PFKFB3: variants seen among roughly 807,000 people sequenced by gnomAD.
The protein encoded by PFKFB3 is 6-phosphofructo-2-kinase/fructose-2,6-biphosphatase 3.
PFKFB3 carries 33 observed loss-of-function variants against 68.0 expected under a neutral mutation model. The ratio of observed to expected loss-of-function variants is 0.49; its 90% confidence interval spans 0.37 to 0.65. The LOEUF (loss-of-function observed/expected upper bound fraction) is 0.65. Ranked by LOEUF, PFKFB3 falls within the 30% of genes least tolerant of loss-of-function variation. The pLI, the probability that PFKFB3 is intolerant of heterozygous loss-of-function variation, is 0.00. For synonymous variants in PFKFB3, 315 were observed against 288.2 expected (o/e 1.09, Z -0.94); for missense variants, 586 against 712.2 (o/e 0.82, Z 2.02).
At chr10:6,298,438 T>C in the PFKFB3 span, among the ~76,000 whole-genome samples, 1 of 151,716 alleles carries the variant, frequency 6.6e-6, no homozygotes, top group African/African-American at 2.4e-5. Context: ...AGTGGTGTGA[T>C]CATAGCTCAT....
chr10:6,245,455 C>T lies in PFKFB3; in HGVS notation c.1516-8723C>T, dbSNP rs143451719. 2.8e-3 allele frequency among the ~76,000 whole-genome samples: 419 copies of T among 148,560 alleles called. 2 individuals are homozygous for T. The highest frequency in any genetic ancestry group is 9.9e-3 in the African/African-American group (398 of 40,246). On this transcript the variant is annotated intron_variant, in intron 14 of 14. Coordinates refer to the PFKFB3 transcript ENST00000640683. ...TTTTTGAAACAGGGTCTGGCTCTGT[C>T]GCCCAGGCTGGAGTGCAGTGGTGCG...
chr10:6,159,854 G>C (rs556185608), intron 1 of PFKFB3, among the ~76,000 whole-genome samples: 41 of 151,860 alleles, frequency 2.7e-4, no homozygotes, highest in African/African-American at 8.9e-4. Flanking sequence ...GACCTGCCAG[G>C]CTCAAGCAAT....
rs1298176305 is a variant in PFKFB3, at chr10:6,169,740, C to G, written c.16+24727C>G. Among the ~76,000 whole-genome samples the G allele has an allele frequency of 2.0e-5, 3 of 152,278 alleles. No individual in the cohort carries two copies. The East Asian group carries it at 5.8e-4, about 29-fold the overall frequency. The stretch of plus-strand genomic sequence containing the variant: ...TGGAACTCTCTAAATGTTTATGTCC[C>G]AGGGTGAAATCCCAGCCCTGAGCTC... On this transcript the variant is annotated intron_variant, in intron 1 of 14. Coordinates refer to the PFKFB3 transcript ENST00000379789.
intron 1 of PFKFB3, among the ~76,000 whole-genome samples, chr10:6,177,385 T>TTTCTTTCTTTCTTTCTTTC (rs1842513709): frequency 1.8e-5 from 2 of 113,174 alleles, no homozygotes; most frequent in African/African-American, 2.8e-5. Flanking sequence ...TCTTTCTTTC[T>TTTCTTTCTTTCTTTCTTTC]TTCTTTCTTT....
chr10:6,289,554 A>C, the PFKFB3 span, among the ~76,000 whole-genome samples: 2 of 151,814 alleles, frequency 1.3e-5, no homozygotes, highest in Non-Finnish European at 2.9e-5. Flanking sequence ...GTTCTGTTCC[A>C]TTGATCTATA....
chr10:6,262,216 A>G, the PFKFB3 span, among the ~76,000 whole-genome samples: 782 of 152,058 alleles, frequency 5.1e-3, 10 homozygotes, highest in African/African-American at 0.018. Flanking sequence ...GCAGTTTGGG[A>G]GGCTGAGGCG....
the PFKFB3 span, among the ~76,000 whole-genome samples, chr10:6,285,972 G>GTTTTT: frequency 7.4e-4 from 66 of 89,058 alleles, no homozygotes; most frequent in East Asian, 1.1e-3. Context: ...TCCTTTCACT[G>GTTTTT]TTTTTTTTTT....
At chr10:6,267,566 T>C in the PFKFB3 span, among the ~76,000 whole-genome samples, 1 of 152,178 alleles carries the variant, frequency 6.6e-6, no homozygotes, top group South Asian at 2.1e-4. Context: ...TACTCACTTG[T>C]AGACATAGCA....
the PFKFB3 span, among the ~76,000 whole-genome samples, chr10:6,260,362 C>T: frequency 3.5e-5 from 5 of 141,966 alleles, no homozygotes; most frequent in African/African-American, 7.9e-5. Context: ...TGCAGTGAGC[C>T]GAGATTGCGC....
intron 4 of PFKFB3, among the ~76,000 whole-genome samples, chr10:6,216,499 G>C (rs1166861284): frequency 6.6e-6 from 1 of 152,124 alleles, no homozygotes; most frequent in Non-Finnish European, 1.5e-5. Flanking sequence ...TTTCCCCCAC[G>C]CTACCACCCC....
At chr10:6,278,668 C>T in the PFKFB3 span, among the ~76,000 whole-genome samples, 3 of 152,176 alleles carry the variant, frequency 2.0e-5, no homozygotes, top group African/African-American at 7.2e-5. Context: ...ATCTGCATAG[C>T]CATTTTAAAG....
chr10:6,210,576 T>C (rs1844144489), intron 1 of PFKFB3, among the ~76,000 whole-genome samples: 1 of 56,586 alleles, frequency 1.8e-5, no homozygotes, highest in Non-Finnish European at 5.2e-5. Flanking sequence ...GCCAGGATAG[T>C]CTTGATAGTG....
intron 10 of PFKFB3, among the ~76,000 whole-genome samples, chr10:6,222,244 G>A (rs891111235): frequency 1.3e-5 from 2 of 152,188 alleles, no homozygotes; most frequent in South Asian, 2.1e-4. Context: ...CTTACACACC[G>A]GGGCCCTGGT....
At chr10:6,160,505 G>C (rs1041011507) in intron 1 of PFKFB3, among the ~76,000 whole-genome samples, 2 of 152,156 alleles carry the variant, frequency 1.3e-5, no homozygotes, top group African/African-American at 4.8e-5. Flanking sequence ...ATGACCTGAA[G>C]TCAGGAGTTC....
intron 13 of PFKFB3, chr10:6,225,242 G>A (rs1406232972): frequency 8.8e-6 from 4 of 455,938 alleles, no homozygotes; most frequent in African/African-American, 4.0e-5. Flanking sequence ...TGGCGTTCCC[G>A]AAACAGGTGA....
At chr10:6,324,977 A>T in the PFKFB3 span, among the ~76,000 whole-genome samples, 2,539 of 151,904 alleles carry the variant, frequency 0.017, 70 homozygotes, top group African/African-American at 0.058. Flanking sequence ...TAATTTTTTT[A>T]AATTGAAACA....
chr10:6,164,399 C>T (rs754795953), intron 1 of PFKFB3, among the ~76,000 whole-genome samples: 3 of 152,176 alleles, frequency 2.0e-5, no homozygotes, highest in Non-Finnish European at 4.4e-5. Flanking sequence ...TCACAGGAGG[C>T]ATGGTTGAAG....
chr10:6,159,190 T>C (rs1841896931), intron 1 of PFKFB3, among the ~76,000 whole-genome samples: 1 of 151,312 alleles, frequency 6.6e-6, no homozygotes, highest in African/African-American at 2.4e-5. Context: ...AGGTCAGGAG[T>C]TCGAGATCAG....
chr10:6,228,154 C>T lies in PFKFB3; in HGVS notation c.1515+1789C>T, dbSNP rs763523324. 6.2e-7 allele frequency: 1 copy of T among 1,612,252 alleles called. No homozygotes were observed. Among genetic ancestry groups the T allele is most frequent in the Non-Finnish European group, 8.5e-7 (1 of 1,179,574 alleles). On this transcript the variant is annotated intron_variant, in intron 14 of 14. Coordinates refer to ENST00000379775, the MANE Select transcript of PFKFB3 (RefSeq NM_004566.4). The surrounding 1 kb of genome is among the most constrained non-coding windows in gnomAD (Gnocchi z 4.5). ...AGGGCTTCGTCCCTGCAGATTGCGC[C>T]CTGCCTCCTGACTGACTTCTCTCTC...
Sources: allele counts gnomAD v4.1 joint callset (sites outside exome capture counted in the v4.1 genomes callset), GRCh38; gene constraint gnomAD v4.1.1; non-coding constraint Gnocchi (gnomAD v3.1); transcripts MANE v1.5; gene names NCBI Gene and HGNC (gene_info 2026-07-23, HGNC 2026-07-21).